Variants in RBFOX1 observed in about 807,000 individuals in gnomAD.
RBFOX1 encodes RNA binding protein fox-1 homolog 1.
RBFOX1 carries 8 observed loss-of-function variants against 57.7 expected under a neutral mutation model. The ratio of observed to expected loss-of-function variants is 0.14; its 90% CI spans 0.08 to 0.25. RBFOX1 has a LOEUF of 0.25. Among genes scored for constraint, RBFOX1 ranks in the 10% least tolerant of loss-of-function variants. The probability of loss-of-function intolerance (pLI) is 1.00; values close to 1 mark genes in which losing one functional copy is unlikely to be tolerated. For synonymous variants in RBFOX1, 326 were observed against 222.4 expected (o/e 1.47, Z -4.15); for missense variants, 611 against 548.5 (o/e 1.11, Z -1.14).
intron 3 of RBFOX1, among the ~76,000 whole-genome samples, chr16:6,896,859 G>A (rs1252434321): frequency 6.6e-6 from 1 of 152,100 alleles, no homozygotes; most frequent in Non-Finnish European, 1.5e-5. Context: ...AAAAATCAGT[G>A]GAAGAGTGGT....
chr16:6,607,950 A>G (rs1023838639), intron 2 of RBFOX1, among the ~76,000 whole-genome samples: 3 of 152,190 alleles, frequency 2.0e-5, no homozygotes, highest in African/African-American at 4.8e-5. Flanking sequence ...GGAAACAGCT[A>G]TGAGCTTGAC....
At chr16:5,598,441 A>G (rs927176335) in intron 2 of RBFOX1, among the ~76,000 whole-genome samples, 1 of 152,186 alleles carries the variant, frequency 6.6e-6, no homozygotes, top group Non-Finnish European at 1.5e-5. Flanking sequence ...CACACTAAAA[A>G]GTAAAAAGAA....
intron 3 of RBFOX1, among the ~76,000 whole-genome samples, chr16:6,767,837 C>A (rs1414730544): frequency 4.0e-5 from 6 of 151,414 alleles, no homozygotes; most frequent in Non-Finnish European, 2.9e-5. Context: ...TCGCTTGAAC[C>A]CGGGAGGTGG....
At chr16:7,709,596 A>G in intron 15 of RBFOX1, 2 of 1,530,014 alleles carry the variant, frequency 1.3e-6, no homozygotes, top group Non-Finnish European at 1.8e-6. Context: ...CTCCTCCCCT[A>G]TTACAATTCA....
At chr16:7,157,385 G>A (rs772241194) in intron 4 of RBFOX1, among the ~76,000 whole-genome samples, 1 of 152,072 alleles carries the variant, frequency 6.6e-6, no homozygotes, top group Non-Finnish European at 1.5e-5. Context: ...GTAAATGGAA[G>A]GTTGCAGCCC....
At chr16:6,927,162 C>T (rs984483379) in intron 3 of RBFOX1, among the ~76,000 whole-genome samples, 1 of 151,966 alleles carries the variant, frequency 6.6e-6, no homozygotes, top group Non-Finnish European at 1.5e-5. Flanking sequence ...CTCAGAAGTT[C>T]TGAATTGTTA....
chr16:6,452,211 C>T (rs1226490581), intron 2 of RBFOX1, among the ~76,000 whole-genome samples: 1 of 150,380 alleles, frequency 6.6e-6, no homozygotes, highest in Non-Finnish European at 1.5e-5. Context: ...TTCTTCCTTC[C>T]ATGACTCCAC....
intron 4 of RBFOX1, among the ~76,000 whole-genome samples, chr16:7,100,762 C>T (rs140215888): frequency 5.3e-4 from 80 of 151,934 alleles, no homozygotes; most frequent in African/African-American, 1.9e-3. Flanking sequence ...ATCCAATGGC[C>T]GTAAATATAG....
intron 2 of RBFOX1, among the ~76,000 whole-genome samples, chr16:6,522,162 TG>T: frequency 6.7e-6 from 1 of 149,398 alleles, no homozygotes; most frequent in Non-Finnish European, 1.5e-5. Context: ...ACAGTGTGTG[TG>T]TGTGTGTGTG....
chr16:5,438,147 C>T (rs748196097), intron 1 of RBFOX1, among the ~76,000 whole-genome samples: 1 of 152,188 alleles, frequency 6.6e-6, no homozygotes, highest in Non-Finnish European at 1.5e-5. Flanking sequence ...TATTACACTT[C>T]CAACCACAGG....
At chr16:7,557,566 G>A (rs2088968733) in intron 5 of RBFOX1, among the ~76,000 whole-genome samples, 1 of 126,632 alleles carries the variant, frequency 7.9e-6, no homozygotes, top group Non-Finnish European at 1.6e-5. Context: ...GTTTCAGTGA[G>A]CCAAGACTGT....
chr16:5,828,037 G>A (rs13334771), intron 3 of RBFOX1, among the ~76,000 whole-genome samples: 1 of 147,232 alleles, frequency 6.8e-6, no homozygotes, highest in Non-Finnish European at 1.5e-5. Context: ...GTCCATCCAT[G>A]TATCCATCCA....
At chr16:6,434,158 G>A (rs996008060) in intron 2 of RBFOX1, among the ~76,000 whole-genome samples, 4 of 151,944 alleles carry the variant, frequency 2.6e-5, no homozygotes, top group African/African-American at 9.7e-5. Context: ...ACTTCTAAGG[G>A]CACTTGTGAT....
intron 3 of RBFOX1, among the ~76,000 whole-genome samples, chr16:5,638,811 G>T (rs1288670087): frequency 6.6e-6 from 1 of 152,140 alleles, no homozygotes; most frequent in Non-Finnish European, 1.5e-5. Context: ...TTAAGTTCTG[G>T]GCTGAATGGG....
At chr16:5,440,654 G>A (rs975625637) in intron 1 of RBFOX1, among the ~76,000 whole-genome samples, 19 of 152,132 alleles carry the variant, frequency 1.2e-4, no homozygotes, top group African/African-American at 4.1e-4. Context: ...TGGAGGCTGT[G>A]ATCTACCTGG....
At chr16:6,764,294 C>G (rs1182734608) in intron 3 of RBFOX1, among the ~76,000 whole-genome samples, 2 of 152,282 alleles carry the variant, frequency 1.3e-5, no homozygotes, top group African/African-American at 2.4e-5. Flanking sequence ...AATCTGTGCA[C>G]AAATGATCAA....
intron 1 of RBFOX1, among the ~76,000 whole-genome samples, chr16:6,233,286 A>G (rs1368214966): frequency 6.6e-6 from 1 of 152,140 alleles, no homozygotes; most frequent in East Asian, 1.9e-4. Context: ...GGGAAGATAC[A>G]TTAAGACATG....
intron 4 of RBFOX1, among the ~76,000 whole-genome samples, chr16:7,232,670 T>C (rs2093568021): frequency 6.6e-6 from 1 of 151,952 alleles, no homozygotes. Context: ...GGAGAAACCC[T>C]GTCTCTACTA....
chr16:6,907,799 C>T (rs888854188), intron 3 of RBFOX1, among the ~76,000 whole-genome samples: 2 of 151,762 alleles, frequency 1.3e-5, no homozygotes, highest in Non-Finnish European at 2.9e-5. Context: ...GTCTCAAACT[C>T]CTGACCTCAG....
Sources: gnomAD v4.1 joint callset for allele counts (sites outside exome capture counted in the v4.1 genomes callset) on GRCh38, gnomAD v4.1.1 for gene constraint, MANE v1.5 for transcripts, NCBI Gene and HGNC (gene_info 2026-07-23, HGNC 2026-07-21) for gene names.